Variants in VRK1 observed in about 807,000 individuals in gnomAD.
The protein encoded by VRK1 is VRK serine/threonine kinase 1, also known as serine/threonine-protein kinase VRK1.
A neutral mutation model predicts 57.1 loss-of-function variants in VRK1; 33 were observed. That is an observed-to-expected ratio of 0.58 (90% CI 0.44 to 0.77). VRK1 has a LOEUF of 0.77. VRK1 is among the 30% of genes least tolerant of loss of function. The pLI, the probability that VRK1 is intolerant of heterozygous loss-of-function variation, is 0.00. For missense variants in VRK1, 413 were observed against 477.3 expected (o/e 0.87, Z 1.25); for synonymous variants, 137 against 147.8 (o/e 0.93, Z 0.53).
intron 1 of VRK1, among the ~76,000 whole-genome samples, chr14:96,806,477 G>C (rs192903753): frequency 6.6e-6 from 1 of 152,328 alleles, no homozygotes; most frequent in Admixed American, 6.5e-5. Flanking sequence ...TTCTTTTCCA[G>C]AGTGTGAAAG....
At chr14:96,827,469 C>T (rs1886844471) in intron 1 of VRK1, among the ~76,000 whole-genome samples, 2 of 151,252 alleles carry the variant, frequency 1.3e-5, no homozygotes, top group African/African-American at 4.9e-5. Context: ...TTCATTAGCA[C>T]CCTGGTAGGC....
intron 1 of VRK1, among the ~76,000 whole-genome samples, chr14:96,806,858 G>T (rs1203532910): frequency 9.0e-6 from 1 of 111,452 alleles, no homozygotes; most frequent in Non-Finnish European, 1.7e-5. Context: ...CCTTCCTCTC[G>T]CTCTGTCAAC....
At chr14:96,806,258 A>G (rs1885873580) in intron 1 of VRK1, among the ~76,000 whole-genome samples, 2 of 152,222 alleles carry the variant, frequency 1.3e-5, no homozygotes, top group African/African-American at 2.4e-5. Flanking sequence ...AAAGGATGTC[A>G]TCATTAATCC....
intron 12 of VRK1, among the ~76,000 whole-genome samples, chr14:96,876,547 G>A (rs1889038752): frequency 6.6e-6 from 1 of 152,110 alleles, no homozygotes; most frequent in African/African-American, 2.4e-5. Flanking sequence ...AAGGGTTAGT[G>A]ATAGAGACCA....
intron 1 of VRK1, among the ~76,000 whole-genome samples, chr14:96,800,771 T>C (rs1360509528): frequency 1.3e-5 from 2 of 152,142 alleles, no homozygotes; most frequent in Admixed American, 6.5e-5. Flanking sequence ...CTGGCAAATA[T>C]TTAAGATGAA....
chr14:96,834,622 T>C (rs1438949589), intron 2 of VRK1, among the ~76,000 whole-genome samples: 1 of 152,226 alleles, frequency 6.6e-6, no homozygotes, highest in Admixed American at 6.5e-5. Context: ...TTGCAGTTTC[T>C]GGAGCTATCT....
In VRK1 at chr14:96,876,054, A is replaced by G; in HGVS notation, c.1093A>G (p.Ser365Gly). Residue 365 changes from serine (S) to glycine (G), a missense_variant, in exon 12 of 13, where the codon AGC (serine) becomes GGC (glycine). Around this residue, in one of 3 missense-constraint regions of VRK1, gnomAD observed 146 missense variants for 138.2 expected, o/e 1.06. Transcript: ENST00000216639. ...TKKRKKEIEE[S>G]KEPGVEDTEW... ...GAAGCGAAAGAAAGAAATTGAAGAA[A>G]GCAAGGAACCTGGTGTTGAAGATAC... The G allele has an allele frequency of 6.2e-7, 1 of 1,613,584 alleles. No homozygotes were observed. Among genetic ancestry groups the G allele is most frequent in the Non-Finnish European group, 8.5e-7 (1 of 1,179,640 alleles).
chr14:96,860,691 A>C lies in VRK1; in HGVS notation c.1024A>C (p.Ser342Arg). 1 of 1,613,330 alleles carries C rather than the reference A, an allele frequency of 6.2e-7. No homozygotes were observed. The highest frequency in any genetic ancestry group is 8.5e-7 in the Non-Finnish European group (1 of 1,179,526). ...GSKDDGKLDL[S>R]VVENGGLKAK... The stretch of plus-strand genomic sequence containing the variant: ...TAAGGATGATGGCAAATTGGACCTC[A>C]GTGTTGTGGAGAATGGAGGTTTGAA... The change falls in exon 11 of 13, where the codon AGT becomes CGT. Residue 342 changes from serine (S) to arginine (R), a missense_variant. Physicochemically the swap from Ser to Arg is moderately radical, Grantham distance 110 (BLOSUM62 -1). Coordinates refer to ENST00000216639, the MANE Select transcript of VRK1 (RefSeq NM_003384.3).
intron 1 of VRK1, among the ~76,000 whole-genome samples, chr14:96,818,794 A>G (rs945324121): frequency 4.6e-5 from 7 of 152,190 alleles, no homozygotes; most frequent in African/African-American, 1.4e-4. Flanking sequence ...GATTTTGGTC[A>G]TAAGTGAATT....
At chr14:96,833,441 G>T in intron 1 of VRK1, 26 bp from the exon 2 acceptor site, 1 of 1,612,220 alleles carries the variant, frequency 6.2e-7, no homozygotes, top group South Asian at 1.1e-5. Context: ...TTAGAATTCT[G>T]ACCATTTCTT....
intron 5 of VRK1, among the ~76,000 whole-genome samples, chr14:96,852,288 C>G (rs1019711445): frequency 6.6e-6 from 1 of 152,230 alleles, no homozygotes; most frequent in South Asian, 2.1e-4. Context: ...ATTTGTTTTT[C>G]CCCAAATCTT....
intron 5 of VRK1, among the ~76,000 whole-genome samples, chr14:96,849,448 T>TA (rs113271477): frequency 0.053 from 7,529 of 142,722 alleles, 642 homozygotes; most frequent in African/African-American, 0.18. Flanking sequence ...ATAAACGTCT[T>TA]AAAAAAAAAA....
intron 1 of VRK1, among the ~76,000 whole-genome samples, chr14:96,833,215 A>G (rs932458692): frequency 1.3e-5 from 2 of 152,214 alleles, no homozygotes; most frequent in African/African-American, 2.4e-5. Context: ...GTTGATCATT[A>G]TGCCATTGGA....
At chr14:96,861,742 T>TG (rs1713109819) in intron 11 of VRK1, among the ~76,000 whole-genome samples, 1 of 152,206 alleles carries the variant, frequency 6.6e-6, no homozygotes, top group Non-Finnish European at 1.5e-5. Flanking sequence ...ATTATATACA[T>TG]GCATCTACAT....
At chr14:96,802,438 G>A (rs952591124) in intron 1 of VRK1, among the ~76,000 whole-genome samples, 2 of 152,210 alleles carry the variant, frequency 1.3e-5, no homozygotes, top group Non-Finnish European at 2.9e-5. Context: ...GAAACAAACT[G>A]TTGGTTCATG....
chr14:96,848,345 C>T (rs1281415943), intron 5 of VRK1, among the ~76,000 whole-genome samples: 1 of 152,156 alleles, frequency 6.6e-6, no homozygotes, highest in Non-Finnish European at 1.5e-5. Flanking sequence ...CTTTCTCTCA[C>T]GTTTTCTTGG....
intron 11 of VRK1, among the ~76,000 whole-genome samples, chr14:96,872,878 TAAATA>T (rs1394624709): frequency 3.3e-5 from 5 of 152,158 alleles, no homozygotes; most frequent in Non-Finnish European, 5.9e-5. Context: ...TTTAATCAAA[TAAATA>T]AAATAAGATT....
chr14:96,867,034 A>G (rs1888613787), intron 11 of VRK1, among the ~76,000 whole-genome samples: 1 of 152,214 alleles, frequency 6.6e-6, no homozygotes. Context: ...TGAGCCCTCC[A>G]CAAACCATCT....
chr14:96,818,154 A>C (rs1379253549), intron 1 of VRK1, among the ~76,000 whole-genome samples: 1 of 152,234 alleles, frequency 6.6e-6, no homozygotes, highest in Non-Finnish European at 1.5e-5. Flanking sequence ...AAGTGATAGC[A>C]GTGAGGTGTC....
Sources: gnomAD v4.1 joint callset for allele counts (sites outside exome capture counted in the v4.1 genomes callset) on GRCh38, gnomAD v4.1.1 for gene constraint, gnomAD v4.1.1 regional missense constraint, MANE v1.5 for transcripts, NCBI Gene and HGNC (gene_info 2026-07-23, HGNC 2026-07-21) for gene names.